The following SERTM1 variants were observed in gnomAD, a reference collection of about 807,000 sequenced individuals.
The protein encoded by SERTM1 is serine-rich and transmembrane domain-containing protein 1.
SERTM1 carries 1 observed loss-of-function variant against 5.5 expected under a neutral mutation model. The ratio of observed to expected loss-of-function variants is 0.18; its 90% CI spans 0.06 to 0.86. SERTM1 has a LOEUF of 0.86. Among genes scored for constraint, SERTM1 ranks in the 40% least tolerant of loss-of-function variants. The probability of loss-of-function intolerance (pLI) is 0.69; values close to 1 mark genes in which losing one functional copy is unlikely to be tolerated. For missense variants in SERTM1, 91 were observed against 122.4 expected, an observed-to-expected ratio of 0.74 and a Z score of 1.21; for synonymous variants, 52 against 55.1, an observed-to-expected ratio of 0.94 and a Z score of 0.25.
Position 36,695,371 on chromosome 13 carries a change from A to T in SERTM1, c.293A>T (p.Gln98Leu). ...TTGGAAGTCTGCAGCATTTCCTCTC[A>T]GAGGTCCACTTTTTCAAACCTTTCA... The part of the protein sequence containing the change: ...TNLEVCSISS[Q>L]RSTFSNLSS Residue 98 changes from glutamine (Q) to leucine (L), a missense_variant, in exon 2 of 2, where the codon CAG (glutamine) becomes CTG (leucine). Physicochemically the swap from Gln to Leu is moderately radical, Grantham distance 113. Transcript: ENST00000315190. The T allele has an allele frequency of 6.2e-7, 1 of 1,613,880 alleles. No individual in the cohort carries two copies. The highest frequency in any genetic ancestry group is 8.5e-7 in the Non-Finnish European group (1 of 1,179,928).
intron 1 of SERTM1, among the ~76,000 whole-genome samples, chr13:36,690,124 C>G (rs2056768607): frequency 6.6e-6 from 1 of 152,176 alleles, no homozygotes; most frequent in South Asian, 2.1e-4. Context: ...TCTTTTGTCT[C>G]ACATCACCCA....
chr13:36,678,679 T>TTA lies in SERTM1; in HGVS notation c.-174+4510_-174+4511dup, dbSNP rs765476413. On this transcript the variant is annotated intron_variant, in intron 1 of 1. Coordinates refer to ENST00000315190, the MANE Select transcript of SERTM1 (RefSeq NM_203451.3). ...CCTGGAACTTAAAATAAAATAAAAT[T>TTA]TATATATATATATATAAAATATAGT... Among the ~76,000 whole-genome samples the TTA allele has an allele frequency of 3.0e-3, 395 of 133,728 alleles. 10 individuals carry two copies. Among genetic ancestry groups the TTA allele is most frequent in the African/African-American group, 6.2e-3 (220 of 35,538 alleles). 87.7% of individuals were successfully genotyped at this position (133,728 alleles called of 152,430 possible). A position where few individuals can be genotyped will look rare whatever the true frequency, so the allele number is the denominator to read the frequency against.
chr13:36,695,700 T>C lies in SERTM1; in HGVS notation c.*298T>C, dbSNP rs140909566. 60 of 358,024 alleles carry C rather than the reference T, an allele frequency of 1.7e-4. No homozygotes were observed. Among genetic ancestry groups the C allele is most frequent in the African/African-American group, 1.1e-3 (52 of 47,312 alleles). 22.2% of individuals were successfully genotyped at this position (358,024 alleles called of 1,614,324 possible). On this transcript the variant is annotated 3_prime_UTR_variant, in exon 2 of 2. Transcript: ENST00000315190. ...TTCTACTTTGTTGGACGCCGTAGGCTCATCTGAGGTGGCCTCTCCGTGGAT... is the reference window on the plus strand; with the variant it reads ...TTCTACTTTGTTGGACGCCGTAGGCCCATCTGAGGTGGCCTCTCCGTGGAT...
intron 1 of SERTM1, among the ~76,000 whole-genome samples, chr13:36,675,831 G>T (rs1163010123): frequency 6.6e-6 from 1 of 152,216 alleles, no homozygotes; most frequent in Non-Finnish European, 1.5e-5. Context: ...AACCTCAGAA[G>T]TAATCTGGAA....
intron 1 of SERTM1, among the ~76,000 whole-genome samples, chr13:36,685,806 T>C (rs1334950119): frequency 6.6e-6 from 1 of 152,202 alleles, no homozygotes; most frequent in Non-Finnish European, 1.5e-5. Flanking sequence ...CTCTTTCACT[T>C]AGCTGCCCAA....
intron 1 of SERTM1, among the ~76,000 whole-genome samples, chr13:36,691,644 A>G (rs372630749): frequency 1.3e-5 from 2 of 152,204 alleles, no homozygotes; most frequent in Admixed American, 6.5e-5. Context: ...AAAAGCATCA[A>G]AATCCCCATG....
In SERTM1 at chr13:36,695,927, C is replaced by T. The variant is rs1294194498; in HGVS notation, c.*525C>T. ...TTCTAAAACTGAGGGTAAATATATGCTAAATATTTTCTTTAACTTCACTTT... is the reference window on the plus strand; with the variant it reads ...TTCTAAAACTGAGGGTAAATATATGTTAAATATTTTCTTTAACTTCACTTT... On this transcript the variant is annotated 3_prime_UTR_variant, in exon 2 of 2. Transcript: ENST00000315190. 6.0e-6 allele frequency: 1 copy of T among 167,178 alleles called. No individual in the cohort carries two copies. The highest frequency in any genetic ancestry group is 1.9e-4 in the East Asian group (1 of 5,198). The allele number at this position is 167,178 out of a possible 1,614,324, so 10.4% of individuals were successfully genotyped here.
intron 1 of SERTM1, among the ~76,000 whole-genome samples, chr13:36,686,559 C>T (rs992011993): frequency 2.9e-4 from 44 of 152,152 alleles, no homozygotes; most frequent in African/African-American, 9.4e-4. Context: ...CATGTATATG[C>T]GTAAGTGTGC....
In SERTM1 at chr13:36,695,407, A is replaced by T; in HGVS notation, c.*5A>T. ...TTTTCAAACCTTTCATCCTGAGGAA[A>T]ATGGAAGAGTCCTTGAGTGTGGCAG... On this transcript the variant is annotated 3_prime_UTR_variant, in exon 2 of 2. Transcript: ENST00000315190. The T allele has an allele frequency of 1.2e-6, 2 of 1,609,188 alleles. No individual in the cohort carries two copies. Among genetic ancestry groups the T allele is most frequent in the Non-Finnish European group, 1.7e-6 (2 of 1,176,828 alleles).
chr13:36,679,511 G>A (rs1237232021), intron 1 of SERTM1, among the ~76,000 whole-genome samples: 5 of 152,226 alleles, frequency 3.3e-5, no homozygotes, highest in Non-Finnish European at 5.9e-5. Context: ...ACGTTCAAGC[G>A]ATTCTCCTGT....
At chr13:36,685,063 G>GGTCTTGAATC (rs2056731283) in intron 1 of SERTM1, among the ~76,000 whole-genome samples, 1 of 152,186 alleles carries the variant, frequency 6.6e-6, no homozygotes, top group African/African-American at 2.4e-5. Context: ...GTCTTTGACA[G>GGTCTTGAATC]GCTCTGGTCT....
At chr13:36,681,574 GAATTAT>G (rs1231996433) in intron 1 of SERTM1, among the ~76,000 whole-genome samples, 1 of 152,178 alleles carries the variant, frequency 6.6e-6, no homozygotes, top group East Asian at 1.9e-4. Flanking sequence ...TGAATGTAGT[GAATTAT>G]AATAAGCTTC....
At chr13:36,694,247 C>CT (rs2056798480) in intron 1 of SERTM1, among the ~76,000 whole-genome samples, 1 of 152,220 alleles carries the variant, frequency 6.6e-6, no homozygotes, top group South Asian at 2.1e-4. Context: ...GACAGCCAAC[C>CT]TGATACTCTC....
chr13:36,677,147 A>G (rs2056674934), intron 1 of SERTM1, among the ~76,000 whole-genome samples: 1 of 152,178 alleles, frequency 6.6e-6, no homozygotes, highest in African/African-American at 2.4e-5. Context: ...ATGACATAAA[A>G]TGCGTCCTTC....
At chr13:36,693,612 A>G (rs1156491536) in intron 1 of SERTM1, among the ~76,000 whole-genome samples, 1 of 152,162 alleles carries the variant, frequency 6.6e-6, no homozygotes, top group East Asian at 1.9e-4. Context: ...AACAAGGATC[A>G]TTAGTGCTGT....
At chr13:36,689,726 G>T in intron 1 of SERTM1, among the ~76,000 whole-genome samples, 1 of 150,924 alleles carries the variant, frequency 6.6e-6, no homozygotes, top group Non-Finnish European at 1.5e-5. Context: ...TATCAAGAAA[G>T]ATATATTGTG....
chr13:36,691,081 G>A (rs570047371), intron 1 of SERTM1, among the ~76,000 whole-genome samples: 52 of 152,302 alleles, frequency 3.4e-4, no homozygotes, highest in African/African-American at 1.3e-3. Context: ...AGGCTGACTG[G>A]TAGCCTGAGT....
intron 1 of SERTM1, among the ~76,000 whole-genome samples, chr13:36,688,897 G>A (rs924531477): frequency 4.6e-5 from 7 of 152,060 alleles, no homozygotes; most frequent in Non-Finnish European, 8.8e-5. Context: ...TTCTTAACCA[G>A]TTAGTGTTTT....
At chr13:36,677,685 G>A (rs886708261) in intron 1 of SERTM1, among the ~76,000 whole-genome samples, 3 of 152,280 alleles carry the variant, frequency 2.0e-5, no homozygotes, top group East Asian at 1.9e-4. Flanking sequence ...AACATTCAAC[G>A]TATAGATTCA....
Sources: gnomAD v4.1 joint callset for allele counts (sites outside exome capture counted in the v4.1 genomes callset) on GRCh38, gnomAD v4.1.1 for gene constraint, MANE v1.5 for transcripts, NCBI Gene and HGNC (gene_info 2026-07-23, HGNC 2026-07-21) for gene names.